Variants in SYAP1 observed in about 807,000 individuals in gnomAD.
SYAP1 encodes synapse-associated protein 1.
Under a neutral mutation model 29.6 loss-of-function variants are expected in SYAP1, and 3 were observed. The ratio of observed to expected loss-of-function variants is 0.10; its 90% CI spans 0.05 to 0.26. SYAP1 has a LOEUF of 0.26. SYAP1 is among the 10% of genes least tolerant of loss of function. The pLI, the probability that SYAP1 is intolerant of heterozygous loss-of-function variation, is 1.00. For synonymous variants in SYAP1, 102 were observed against 102.7 expected, an observed-to-expected ratio of 0.99 and a Z score of 0.04; for missense variants, 217 against 264.1, an observed-to-expected ratio of 0.82 and a Z score of 1.24.
chrX:16,729,147 T>C (rs985155756), intron 1 of SYAP1, among the ~76,000 whole-genome samples: 2 of 111,294 alleles, frequency 1.8e-5, no homozygotes, highest in African/African-American at 3.3e-5. Context: ...TACACTGATA[T>C]ATCAGAATTA....
At chrX:16,754,817 C>T in intron 5 of SYAP1, 128 bp from the exon 6 acceptor site, 1 of 624,975 alleles carries the variant, frequency 1.6e-6, no homozygotes. Flanking sequence ...ACTCCAGTCC[C>T]CTTTACAACA....
chrX:16,756,875 TGAG>T (rs1404593843), intron 7 of SYAP1, among the ~76,000 whole-genome samples, 154 bp downstream of exon 7: 3 of 111,826 alleles, frequency 2.7e-5, no homozygotes, highest in Non-Finnish European at 3.8e-5. Context: ...GGCTGAGACT[TGAG>T]GACGATTTAC....
rs144175479 is a variant in SYAP1 at position 16,742,143 on chromosome X, G to GTTTTTTTTTTTT, written c.435+369_435+380dup. Among the ~76,000 whole-genome samples the GTTTTTTTTTTTT allele has an allele frequency of 4.8e-4, 20 of 41,861 alleles. 2 individuals are homozygous for GTTTTTTTTTTTT. Among genetic ancestry groups the GTTTTTTTTTTTT allele is most frequent in the African/African-American group, 2.7e-3 (20 of 7,529 alleles). The allele number at this position is 41,861 out of a possible 115,157, so 36.4% of individuals were successfully genotyped here. The stretch of plus-strand genomic sequence containing the variant: ...ACCATGCCCAGCTAATTTTTGTGTG[G>GTTTTTTTTTTTT]TTTTTTTTTTTTTTTTTTTTTTTTT... On this transcript the variant is annotated intron_variant, in intron 4 of 8. Coordinates refer to ENST00000380155, the MANE Select transcript of SYAP1 (RefSeq NM_032796.4).
chrX:16,726,193 G>A (rs990130349), intron 1 of SYAP1, among the ~76,000 whole-genome samples: 7 of 112,067 alleles, frequency 6.2e-5, no homozygotes, highest in African/African-American at 1.9e-4. Flanking sequence ...ATACGTCTAC[G>A]TGTTAAGTGT....
intron 1 of SYAP1, among the ~76,000 whole-genome samples, chrX:16,734,325 A>C (rs1926273792): frequency 9.3e-6 from 1 of 107,341 alleles, no homozygotes. Flanking sequence ...GTTGCAGTGA[A>C]CTGAGATCTG....
At chrX:16,744,477 C>G (rs1424564310) in intron 5 of SYAP1, among the ~76,000 whole-genome samples, 2 of 112,655 alleles carry the variant, frequency 1.8e-5, no homozygotes, top group Non-Finnish European at 3.7e-5. Flanking sequence ...TTCTCTTAAC[C>G]TTGTCATATG....
chrX:16,760,103 T>A, intron 8 of SYAP1, 129 bp from the exon 9 acceptor site: 1 of 562,188 alleles, frequency 1.8e-6, no homozygotes, highest in Non-Finnish European at 2.7e-6. Flanking sequence ...GCACACATAG[T>A]AGTGAAGCCT....
chrX:16,735,418 A>G (rs1026231679), intron 2 of SYAP1, 73 bp downstream of exon 2: 22 of 718,348 alleles, frequency 3.1e-5, no homozygotes, highest in South Asian at 2.7e-4. Context: ...TCTTCTTCTT[A>G]TGAACATTTT....
At chrX:16,733,984 A>G (rs146135608) in intron 1 of SYAP1, among the ~76,000 whole-genome samples, 1 of 111,479 alleles carries the variant, frequency 9.0e-6, no homozygotes, top group Non-Finnish European at 1.9e-5. Context: ...GTCTTTTCAC[A>G]TCTTCCAGAA....
At position 16,719,814 on chromosome X, in the gene SYAP1, G is replaced by A. The variant is rs1270533315; in HGVS notation, c.90G>A (p.Pro30=). 1.7e-6 allele frequency: 2 copies of A among 1,197,674 alleles called. No individual in the cohort carries two copies. Among genetic ancestry groups the A allele is most frequent in the Non-Finnish European group, 1.1e-6 (1 of 888,993 alleles). ...QPNGDAPPEQ[P]SETVAESAEE... ...ATGGAGATGCTCCACCCGAGCAGCC[G>A]TCCGAGACGGTGGCTGAGTCTGCGG... The change falls in exon 1 of 9, where the codon CCG becomes CCA. Residue 30 remains proline, a synonymous_variant. Transcript: ENST00000380155.
intron 1 of SYAP1, 80 bp downstream of exon 1, chrX:16,719,979 T>G: frequency 6.2e-6 from 6 of 967,125 alleles, no homozygotes; most frequent in Admixed American, 3.7e-5. Context: ...CGGGCCCGAC[T>G]GGCTGGGGGA....
intron 5 of SYAP1, among the ~76,000 whole-genome samples, chrX:16,744,100 GCTGCATCACCCTGAATCACATT>G (rs1393766608): frequency 8.9e-6 from 1 of 112,375 alleles, no homozygotes; most frequent in African/African-American, 3.2e-5. Context: ...CCACAAACAT[GCTGCATCACCCTGAATCACATT>G]CTGGTCTCTG....
intron 3 of SYAP1, among the ~76,000 whole-genome samples, chrX:16,736,986 G>A (rs1244523188): frequency 8.9e-6 from 1 of 111,943 alleles, no homozygotes; most frequent in Non-Finnish European, 1.9e-5. Context: ...GGTGTTTGGA[G>A]AACATACTCA....
chrX:16,755,546 T>G (rs1926825210), intron 6 of SYAP1, among the ~76,000 whole-genome samples: 1 of 110,066 alleles, frequency 9.1e-6, no homozygotes, highest in Non-Finnish European at 1.9e-5. Context: ...TTCTTTATAC[T>G]TCTGTCCTCT....
chrX:16,756,674 C>A lies in SYAP1; in HGVS notation c.736C>A (p.Pro246Thr). ...QDLPLAEAVRPKTPPVVIKSQ... is the reference protein window; with the variant it reads ...QDLPLAEAVRTKTPPVVIKSQ... The stretch of plus-strand genomic sequence containing the variant: ...TTCTCACTTCTTAGAGGCAGTACGG[C>A]CCAAAACGCCACCCGTTGTAATCAA... Residue 246 changes from proline to threonine, a missense_variant, in exon 7 of 9, where the codon CCC becomes ACC. By Grantham distance (38) the Pro-to-Thr change is conservative (BLOSUM62 -1). Transcript: ENST00000380155. 1 of 1,211,010 alleles carries A rather than the reference C, an allele frequency of 8.3e-7. No homozygotes were observed. Among genetic ancestry groups the A allele is most frequent in the Non-Finnish European group, 1.1e-6 (1 of 894,873 alleles).
chrX:16,751,309 A>G (rs1197025714), intron 5 of SYAP1, among the ~76,000 whole-genome samples: 1 of 106,947 alleles, frequency 9.4e-6, no homozygotes. Context: ...AAAATTAGCC[A>G]GGCACGGTAG....
chrX:16,737,468 C>G (rs780977574), intron 3 of SYAP1, among the ~76,000 whole-genome samples: 1 of 112,061 alleles, frequency 8.9e-6, no homozygotes, highest in East Asian at 2.8e-4. Context: ...ATTCTTGCAC[C>G]TAGGTAAACT....
chrX:16,759,524 C>A (rs1602338869), intron 8 of SYAP1, among the ~76,000 whole-genome samples: 1 of 111,780 alleles, frequency 8.9e-6, no homozygotes. Flanking sequence ...AATCTCAACG[C>A]GGAAGACCAG....
chrX:16,751,342 C>T (rs1926724752), intron 5 of SYAP1, among the ~76,000 whole-genome samples: 2 of 105,726 alleles, frequency 1.9e-5, no homozygotes, highest in African/African-American at 6.9e-5. Context: ...GTCCCAGCTA[C>T]TCGGGAGGCT....
Sources: allele counts gnomAD v4.1 joint callset (sites outside exome capture counted in the v4.1 genomes callset), GRCh38; gene constraint gnomAD v4.1.1; transcripts MANE v1.5; gene names NCBI Gene and HGNC (gene_info 2026-07-23, HGNC 2026-07-21).